Variants in IKBKB observed in about 807,000 individuals in gnomAD.
The protein encoded by IKBKB is inhibitor of nuclear factor kappa-B kinase subunit beta.
In IKBKB, 42 loss-of-function variants were observed where a neutral mutation model predicts 113.6. The observed-to-expected ratio is 0.37, with a 90% CI of 0.29 to 0.48. The LOEUF is 0.48. IKBKB is among the 20% of genes least tolerant of loss of function. The pLI, the probability that IKBKB is intolerant of heterozygous loss-of-function variation, is 0.99. For synonymous variants in IKBKB, 296 were observed against 361.3 expected (o/e 0.82, Z 2.05); for missense variants, 673 against 939.7 (o/e 0.72, Z 3.71).
chr8:42,301,008 C>T (rs1815090672), intron 5 of IKBKB, among the ~76,000 whole-genome samples: 1 of 152,176 alleles, frequency 6.6e-6, no homozygotes, highest in Admixed American at 6.5e-5. Flanking sequence ...CATGCGCCAC[C>T]ATGCCTGGCT....
At chr8:42,272,515 A>G in intron 2 of IKBKB, 1 of 416,830 alleles carries the variant, frequency 2.4e-6, no homozygotes, top group Non-Finnish European at 4.2e-6. Flanking sequence ...GTTATAAAAC[A>G]TATAGAAATA....
chr8:42,304,142 A>G (rs1346241310), intron 5 of IKBKB, among the ~76,000 whole-genome samples: 2 of 152,140 alleles, frequency 1.3e-5, no homozygotes, highest in African/African-American at 4.8e-5. Context: ...TGACTTGTGT[A>G]TTCTTGTTCG....
chr8:42,322,516 G>A (rs201147899), intron 19 of IKBKB, 22 bp downstream of exon 19: 6 of 1,612,434 alleles, frequency 3.7e-6, no homozygotes, highest in South Asian at 2.2e-5. Context: ...CTGTGGTCCC[G>A]GGCCCTTGGC....
chr8:42,311,011 G>A (rs1275002156), intron 8 of IKBKB, among the ~76,000 whole-genome samples: 1 of 152,144 alleles, frequency 6.6e-6, no homozygotes, highest in African/African-American at 2.4e-5. Context: ...GCACACAGTT[G>A]TTTCCCTAGG....
intron 5 of IKBKB, among the ~76,000 whole-genome samples, chr8:42,304,525 A>C (rs1816106014): frequency 6.6e-6 from 1 of 152,122 alleles, no homozygotes; most frequent in Admixed American, 6.5e-5. Context: ...GTTGGGGATC[A>C]TGCCCCTTAT....
chr8:42,292,561 C>T (rs1812867082), intron 4 of IKBKB, among the ~76,000 whole-genome samples: 2 of 152,184 alleles, frequency 1.3e-5, no homozygotes, highest in African/African-American at 4.8e-5. Context: ...GCTTGGCCAG[C>T]ACATGGGGAC....
intron 5 of IKBKB, 102 bp downstream of exon 5, chr8:42,293,614 T>G (rs1249219294): frequency 1.3e-6 from 2 of 1,598,180 alleles, no homozygotes; most frequent in African/African-American, 2.7e-5. Flanking sequence ...AATCCTTTGG[T>G]CTCTGTGGAA....
chr8:42,273,726 A>AT (rs55994329), intron 2 of IKBKB, among the ~76,000 whole-genome samples: 20 of 149,280 alleles, frequency 1.3e-4, no homozygotes, highest in Non-Finnish European at 2.8e-4. Flanking sequence ...TTTTTTTTTT[A>AT]TTTTTTGTAG....
At chr8:42,326,175 G>A in intron 20 of IKBKB, 78 bp downstream of exon 20, 1 of 1,534,156 alleles carries the variant, frequency 6.5e-7, no homozygotes, top group South Asian at 1.2e-5. Context: ...TTTGTCACTG[G>A]TAAATGTCTG....
intron 9 of IKBKB, among the ~76,000 whole-genome samples, chr8:42,315,766 G>T (rs889984863): frequency 2.0e-5 from 3 of 152,262 alleles, no homozygotes; most frequent in African/African-American, 7.2e-5. Flanking sequence ...AAGTTCAAGG[G>T]ATTCTCCCGT....
At chr8:42,318,510 T>C in intron 12 of IKBKB, 42 bp from the exon 13 acceptor site, 1 of 1,601,216 alleles carries the variant, frequency 6.2e-7, no homozygotes, top group African/African-American at 1.3e-5. Context: ...AGGAGAGTTA[T>C]TGTGGTTATT....
At position 42,271,937 on chromosome 8, in the gene IKBKB, C is replaced by T. The variant is rs1395707070; in HGVS notation, c.-18-146C>T. On this transcript the variant is annotated intron_variant, in intron 1 of 21. Transcript: ENST00000520810. ...CCACAAAGTTTGGACCAACCAAACA[C>T]ATTGGTTTCTTTACAAAATAAAAAA... 6 of 882,680 alleles carry T rather than the reference C, an allele frequency of 6.8e-6. No homozygotes were observed. In the African/African-American group the frequency reaches 1.0e-4, roughly 15 times the overall value. The allele number at this position is 882,680 out of a possible 1,614,324, so 54.7% of individuals were successfully genotyped here.
In IKBKB at chr8:42,318,688, G is replaced by A; in HGVS notation, c.1364+13G>A. ...AGCGAGCCGCCATGTAGCGTGCCAGGCTTTTTTTTTAAACTTAATTTATTT... is the reference window on the plus strand; with the variant it reads ...AGCGAGCCGCCATGTAGCGTGCCAGACTTTTTTTTTAAACTTAATTTATTT... On this transcript the variant is annotated intron_variant, in intron 13 of 21. Transcript: ENST00000520810. The A allele has an allele frequency of 6.3e-7, 1 of 1,580,830 alleles. No homozygotes were observed. Among genetic ancestry groups the A allele is most frequent in the South Asian group, 1.1e-5 (1 of 87,028 alleles).
At chr8:42,314,702 G>C (rs1818344567) in intron 9 of IKBKB, among the ~76,000 whole-genome samples, 1 of 151,620 alleles carries the variant, frequency 6.6e-6, no homozygotes, top group African/African-American at 2.4e-5. Context: ...TTGAACCCGG[G>C]AGGCAAAGGT....
At chr8:42,298,160 A>G (rs1043397658) in intron 5 of IKBKB, 8 of 985,392 alleles carry the variant, frequency 8.1e-6, no homozygotes, top group Non-Finnish European at 9.6e-6. Flanking sequence ...TTGTCAAGGG[A>G]GGCTCAAAAT....
At chr8:42,324,221 G>A (rs926013022) in intron 19 of IKBKB, among the ~76,000 whole-genome samples, 3 of 152,210 alleles carry the variant, frequency 2.0e-5, no homozygotes, top group African/African-American at 7.2e-5. Context: ...AATGGAGGAT[G>A]AAGCTGCTGA....
chr8:42,298,784 C>T (rs1464179561), intron 5 of IKBKB, among the ~76,000 whole-genome samples: 1 of 152,116 alleles, frequency 6.6e-6, no homozygotes, highest in African/African-American at 2.4e-5. Context: ...CCGTCTCCCT[C>T]TAACAACTCC....
rs1055144302 is a variant in IKBKB, at chr8:42,325,795, T to C, written c.1987-175T>C. 4 of 1,454,238 alleles carry C rather than the reference T, an allele frequency of 2.8e-6. No homozygotes were observed. In the African/African-American group the frequency reaches 5.7e-5, roughly 21 times the overall value. 90.1% of individuals were successfully genotyped at this position (1,454,238 alleles called of 1,614,324 possible). A position where few individuals can be genotyped will look rare whatever the true frequency, so the allele number is the denominator to read the frequency against. On this transcript the variant is annotated intron_variant, in intron 19 of 21. Coordinates refer to ENST00000520810, the MANE Select transcript of IKBKB (RefSeq NM_001556.3). The stretch of plus-strand genomic sequence containing the variant: ...GTCTCCGTTGATACAGAAACACTTT[T>C]GAAGCCAGATGTGAAGCACCAGTTG...
intron 20 of IKBKB, 130 bp from the exon 21 acceptor site, chr8:42,328,994 C>T (rs1454509670): frequency 3.0e-6 from 2 of 666,810 alleles, no homozygotes; most frequent in African/African-American, 1.9e-5. Flanking sequence ...TTTTAAGACA[C>T]TCAGGATCAA....
Sources: allele counts gnomAD v4.1 joint callset (sites outside exome capture counted in the v4.1 genomes callset), GRCh38; gene constraint gnomAD v4.1.1; transcripts MANE v1.5; gene names NCBI Gene and HGNC (gene_info 2026-07-23, HGNC 2026-07-21).